Variants in RIMKLB observed in about 807,000 individuals in gnomAD.
The protein encoded by RIMKLB is beta-citrylglutamate synthase B.
In RIMKLB, 7 loss-of-function variants were observed where a neutral mutation model predicts 32.0. The observed-to-expected ratio is 0.22, with a 90% CI of 0.12 to 0.41. The LOEUF (loss-of-function observed/expected upper bound fraction) is 0.41, where lower values mean the gene tolerates loss of function less well. RIMKLB is among the 10% of genes least tolerant of loss of function. The pLI is 1.00. For missense variants in RIMKLB, 289 were observed against 498.7 expected (o/e 0.58, Z 4.00); for synonymous variants, 172 against 185.1 (o/e 0.93, Z 0.57).
intron 5 of RIMKLB, among the ~76,000 whole-genome samples, chr12:8,754,956 A>G (rs1417398329): frequency 6.6e-6 from 1 of 151,790 alleles, no homozygotes; most frequent in East Asian, 1.9e-4. Context: ...TGCCCGTCTA[A>G]TTATTTTATT....
chr12:8,751,225 T>C (rs979143894), intron 3 of RIMKLB, among the ~76,000 whole-genome samples: 3 of 152,226 alleles, frequency 2.0e-5, no homozygotes, highest in African/African-American at 7.2e-5. Flanking sequence ...AGTATTACCT[T>C]TGTTCTATTG....
chr12:8,765,646 G>A (rs771808754), intron 5 of RIMKLB, among the ~76,000 whole-genome samples: 71 of 152,126 alleles, frequency 4.7e-4, no homozygotes, highest in Non-Finnish European at 8.8e-4. Flanking sequence ...TGACTGGGCC[G>A]AATTCTCCTC....
chr12:8,687,820 G>GAAAAAAAAA (rs752174507), intron 1 of RIMKLB, among the ~76,000 whole-genome samples: 1 of 72,926 alleles, frequency 1.4e-5, no homozygotes. Flanking sequence ...AAGTCAGGAA[G>GAAAAAAAAA]AAAAAAAAAA....
chr12:8,773,218 T>G, intron 5 of RIMKLB, 103 bp from the exon 6 acceptor site: 1 of 792,256 alleles, frequency 1.3e-6, no homozygotes, highest in Non-Finnish European at 2.1e-6. Flanking sequence ...CGCCTTTGTT[T>G]TCACTATTAA....
At chr12:8,705,808 G>C (rs1349995415) in intron 1 of RIMKLB, among the ~76,000 whole-genome samples, 1 of 152,166 alleles carries the variant, frequency 6.6e-6, no homozygotes, top group Non-Finnish European at 1.5e-5. Context: ...AATTTTTGGG[G>C]AGACCAGCAG....
In RIMKLB at chr12:8,728,769, G is replaced by A. The variant is rs372371525; in HGVS notation, c.175+14728G>A. Among the ~76,000 whole-genome samples the A allele has an allele frequency of 1.8e-3, 279 of 150,816 alleles. 1 individual carries two copies. Among genetic ancestry groups the A allele is most frequent in the African/African-American group, 6.7e-3 (271 of 40,706 alleles). ...TGCCACCATGCTCTGCTAATTGTGT[G>A]TGTGTGTGTGTGTGTGTGTTTTTGT... On this transcript the variant is annotated intron_variant, in intron 2 of 5. Transcript: ENST00000535829.
At chr12:8,732,621 G>A (rs1046483813) in intron 2 of RIMKLB, among the ~76,000 whole-genome samples, 7 of 152,000 alleles carry the variant, frequency 4.6e-5, no homozygotes, top group East Asian at 1.9e-4. Flanking sequence ...TATTGTATGC[G>A]TATCCTAAGA....
At chr12:8,732,823 T>C (rs754540461) in intron 2 of RIMKLB, among the ~76,000 whole-genome samples, 3 of 151,796 alleles carry the variant, frequency 2.0e-5, no homozygotes, top group African/African-American at 4.9e-5. Flanking sequence ...TACACATTGC[T>C]CTGAATATTA....
At chr12:8,746,598 CAAAAAAA>C (rs1185862870) in intron 2 of RIMKLB, among the ~76,000 whole-genome samples, 1 of 54,958 alleles carries the variant, frequency 1.8e-5, no homozygotes, top group Non-Finnish European at 3.8e-5. Context: ...GACTCTGTCT[CAAAAAAA>C]AAAAAAAAAA....
At chr12:8,711,914 C>A (rs1944408964) in intron 1 of RIMKLB, among the ~76,000 whole-genome samples, 1 of 152,064 alleles carries the variant, frequency 6.6e-6, no homozygotes, top group African/African-American at 2.4e-5. Context: ...AGGGAAGAGA[C>A]CGAAATGCAA....
In RIMKLB at chr12:8,777,039, A is replaced by T; in HGVS notation, c.*3255A>T. 7 of 985,774 alleles carry T rather than the reference A, an allele frequency of 7.1e-6. No homozygotes were observed. Among genetic ancestry groups the T allele is most frequent in the Non-Finnish European group, 8.4e-6 (7 of 829,940 alleles). The allele number at this position is 985,774 out of a possible 1,614,324, so 61.1% of individuals were successfully genotyped here. ...GTTTATGGGCTATTTGGCTGGTGAGACACGATCCCCTCCTAAGAAAATGTA... is the reference window on the plus strand; with the variant it reads ...GTTTATGGGCTATTTGGCTGGTGAGTCACGATCCCCTCCTAAGAAAATGTA... On this transcript the variant is annotated 3_prime_UTR_variant, in exon 6 of 6. Coordinates refer to ENST00000535829, the MANE Select transcript of RIMKLB (RefSeq NM_001297776.2).
chr12:8,709,616 G>A (rs1367406999), intron 1 of RIMKLB, among the ~76,000 whole-genome samples: 3 of 152,224 alleles, frequency 2.0e-5, no homozygotes, highest in South Asian at 2.1e-4. Context: ...CTTGGGCACC[G>A]AGGAAGGCTA....
chr12:8,718,713 AATC>A (rs1252018724), intron 2 of RIMKLB, among the ~76,000 whole-genome samples: 4 of 135,358 alleles, frequency 3.0e-5, no homozygotes, highest in African/African-American at 9.2e-5. Flanking sequence ...GTGTGTGTAT[AATC>A]ATTTTTAGAG....
upstream of RIMKLB, among the ~76,000 whole-genome samples, chr12:8,696,161 T>C (rs908189036): frequency 3.3e-5 from 5 of 152,184 alleles, no homozygotes; most frequent in African/African-American, 7.2e-5. Flanking sequence ...ATTGATCCTC[T>C]GTACATTTTT....
intron 2 of RIMKLB, among the ~76,000 whole-genome samples, chr12:8,743,285 C>A (rs942891682): frequency 5.6e-5 from 8 of 142,566 alleles, no homozygotes; most frequent in African/African-American, 2.1e-4. Flanking sequence ...ACCTGGAAGG[C>A]AGAGGTTACA....
Position 8,774,067 on chromosome 12 carries a change from G to T in RIMKLB, c.*283G>T. On this transcript the variant is annotated 3_prime_UTR_variant, in exon 6 of 6. Coordinates refer to ENST00000535829, the MANE Select transcript of RIMKLB (RefSeq NM_001297776.2). ...TGCTAAAAAATGTGTATGCTCATAG[G>T]CCATGAGGAACAAATACTTTTTTTT... The T allele has an allele frequency of 8.6e-7, 1 of 1,156,528 alleles. No homozygotes were observed. The allele number at this position is 1,156,528 out of a possible 1,614,324, so 71.6% of individuals were successfully genotyped here. A position where few individuals can be genotyped will look rare whatever the true frequency, so the allele number is the denominator to read the frequency against.
chr12:8,713,749 A>C (rs1565564138), intron 1 of RIMKLB, 62 bp from the exon 2 acceptor site: 1 of 983,164 alleles, frequency 1.0e-6, no homozygotes, highest in Non-Finnish European at 1.6e-6. Flanking sequence ...TATTTGTATG[A>C]AATCCAGAAA....
intron 1 of RIMKLB, among the ~76,000 whole-genome samples, chr12:8,707,326 T>G (rs970728415): frequency 6.6e-6 from 1 of 152,210 alleles, no homozygotes; most frequent in African/African-American, 2.4e-5. Context: ...TTGGGTTTGA[T>G]TAATTTGCTA....
intron 1 of RIMKLB, among the ~76,000 whole-genome samples, chr12:8,698,669 C>T (rs564192177): frequency 8.3e-4 from 126 of 152,066 alleles, no homozygotes; most frequent in Non-Finnish European, 1.6e-3. Context: ...GACCCGCGGG[C>T]TGCTGACCTG....
Sources: gnomAD v4.1 joint callset for allele counts (sites outside exome capture counted in the v4.1 genomes callset) on GRCh38, gnomAD v4.1.1 for gene constraint, MANE v1.5 for transcripts, NCBI Gene and HGNC (gene_info 2026-07-23, HGNC 2026-07-21) for gene names.